Variants in TGFB3 observed in about 807,000 individuals in gnomAD.
TGFB3 encodes the protein transforming growth factor beta 3.
In TGFB3, 5 loss-of-function variants were observed where a neutral mutation model predicts 40.1. The observed-to-expected ratio is 0.12, with a 90% CI of 0.07 to 0.26. TGFB3 has a LOEUF of 0.26. Ranked by LOEUF, TGFB3 falls within the 10% of genes least tolerant of loss-of-function variation. TGFB3 has a pLI of 1.00. For synonymous variants in TGFB3, 184 were observed against 205.6 expected (o/e 0.89, Z 0.90); for missense variants, 373 against 530.1 (o/e 0.70, Z 2.91).
chr14:75,973,580 C>A (rs913446039), intron 1 of TGFB3, among the ~76,000 whole-genome samples: 6 of 152,154 alleles, frequency 3.9e-5, no homozygotes, highest in Non-Finnish European at 8.8e-5. Context: ...CATTGGCAAC[C>A]CTATCAAGGA....
At position 75,981,865 on chromosome 14, in the gene TGFB3, G is replaced by A. The variant is rs1247932643; in HGVS notation, c.-972C>T. 2 of 152,330 alleles carry A rather than the reference G, an allele frequency of 1.3e-5. No individual in the cohort carries two copies. The highest frequency in any genetic ancestry group is 2.9e-5 in the Non-Finnish European group (2 of 68,120). 9.4% of individuals were successfully genotyped at this position (152,330 alleles called of 1,614,324 possible). A position where few individuals can be genotyped will look rare whatever the true frequency, so the allele number is the denominator to read the frequency against. On this transcript the variant is annotated 5_prime_UTR_variant, in exon 1 of 7. Coordinates refer to ENST00000238682, the MANE Select transcript of TGFB3 (RefSeq NM_003239.5). The surrounding 1 kb of genome is among the most constrained non-coding windows in gnomAD (Gnocchi z 4.7). Reference sequence around the variant, plus strand: ...CCTTCTCTCGCACGCCTCTTCCCCTGTCTCTGCCTCTCTCGCTCATTCCCT... The same window carrying A: ...CCTTCTCTCGCACGCCTCTTCCCCTATCTCTGCCTCTCTCGCTCATTCCCT...
Position 75,963,422 on chromosome 14 carries a change from G to T in TGFB3, c.820C>A (p.His274Asn). 2 of 1,614,166 alleles carry T rather than the reference G, an allele frequency of 1.2e-6. No individual in the cohort carries two copies. Among genetic ancestry groups the T allele is most frequent in the Non-Finnish European group, 1.7e-6 (2 of 1,180,044 alleles). ...LGRLKKQKDH[H>N]NPHLILMMIP... ...ATCATGAGGATTAGATGAGGGTTGT[G>T]GTGATCCTTCTGCTTCTTGAGGCGC... The change falls in exon 5 of 7, where the codon CAC (histidine) becomes AAC (asparagine). Residue 274 changes from histidine to asparagine, a missense_variant. Transcript: ENST00000238682.
chr14:75,962,951 A>G (rs1186422742), intron 5 of TGFB3: 1 of 363,170 alleles, frequency 2.8e-6, no homozygotes, highest in Non-Finnish European at 5.2e-6. Flanking sequence ...TTTAATGGAA[A>G]CTCCTACATT....
chr14:75,963,874 A>ATTTG (rs34331340), intron 4 of TGFB3, among the ~76,000 whole-genome samples: 18,011 of 151,520 alleles, frequency 0.12, 1,520 homozygotes, highest in African/African-American at 0.24. Flanking sequence ...CGGCTTGTTT[A>ATTTG]TTTGTTTGTT....
intron 1 of TGFB3, among the ~76,000 whole-genome samples, chr14:75,976,469 A>G (rs1286751710): frequency 6.6e-6 from 1 of 152,242 alleles, no homozygotes; most frequent in Non-Finnish European, 1.5e-5. Flanking sequence ...CTATTGATTA[A>G]CCGTTAAATG....
Position 75,980,452 on chromosome 14 carries a change from G to T in TGFB3, c.352+90C>A. On this transcript the variant is annotated intron_variant, in intron 1 of 6. Coordinates refer to ENST00000238682, the MANE Select transcript of TGFB3 (RefSeq NM_003239.5). The surrounding 1 kb of genome is among the most constrained non-coding windows in gnomAD (Gnocchi z 4.3). Reference sequence around the variant, plus strand: ...CTGGTGAATCCTGGGGCACCCTGCTGTGTGGCCAGCACTAGGCCCCCCTCT... The same window carrying T: ...CTGGTGAATCCTGGGGCACCCTGCTTTGTGGCCAGCACTAGGCCCCCCTCT... The T allele has an allele frequency of 1.5e-6, 2 of 1,333,008 alleles. No homozygotes were observed. Among genetic ancestry groups the T allele is most frequent in the Non-Finnish European group, 2.2e-6 (2 of 927,016 alleles). 82.6% of individuals were successfully genotyped at this position (1,333,008 alleles called of 1,614,324 possible).
rs1361581789 is a variant in TGFB3, at chr14:75,965,571, C to A, written c.754+17G>T. 1 of 1,595,834 alleles carries A rather than the reference C, an allele frequency of 6.3e-7. No individual in the cohort carries two copies. The highest frequency in any genetic ancestry group is 1.7e-5 in the Admixed American group (1 of 60,016). On this transcript the variant is annotated intron_variant, in intron 4 of 6. Coordinates refer to ENST00000238682, the MANE Select transcript of TGFB3 (RefSeq NM_003239.5). Reference sequence around the variant, plus strand: ...CCCCCCACTCACCCATCCTACCATACACATTCATTTTGTTACCTTTGAATT... The same window carrying A: ...CCCCCCACTCACCCATCCTACCATAAACATTCATTTTGTTACCTTTGAATT...
chr14:75,967,391 T>A (rs1468232807), intron 3 of TGFB3, among the ~76,000 whole-genome samples: 2 of 152,084 alleles, frequency 1.3e-5, no homozygotes, highest in Non-Finnish European at 2.9e-5. Context: ...GAGAAGTGAA[T>A]GGAGAGGGAG....
rs1057524768 is a variant in TGFB3 at position 75,963,316 on chromosome 14, C to T, written c.926G>A (p.Arg309His). 6.2e-7 allele frequency: 1 copy of T among 1,614,076 alleles called. No homozygotes were observed. Among genetic ancestry groups the T allele is most frequent in the Non-Finnish European group, 8.5e-7 (1 of 1,179,964 alleles). ...GGTTCCCATGTGGGCCCAGTCTCAC[C>T]GGAAGCAGTAATTGGTGTCCAAAGC... The part of the protein sequence containing the change: ...KRALDTNYCF[R>H]NLEENCCVRP... Residue 309 changes from arginine (R) to histidine (H), a missense_variant and splice_region_variant, in exon 5 of 7, where the codon CGC becomes CAC. Coordinates refer to ENST00000238682, the MANE Select transcript of TGFB3 (RefSeq NM_003239.5).
intron 3 of TGFB3, among the ~76,000 whole-genome samples, chr14:75,970,405 A>G (rs2035274538): frequency 6.6e-6 from 1 of 151,798 alleles, no homozygotes; most frequent in Non-Finnish European, 1.5e-5. Context: ...TAAAAATACA[A>G]AAAAATTAGC....
In TGFB3 at chr14:75,971,474, C is replaced by T. The variant is rs554067491; in HGVS notation, c.516+81G>A. 32 of 1,589,262 alleles carry T rather than the reference C, an allele frequency of 2.0e-5. No individual in the cohort carries two copies. In the East Asian group the frequency reaches 3.4e-4, roughly 17 times the overall value. ...AGGATTCAAACCCAGGTCTGCCAAA[C>T]GCTGCACCCAGTGGTGCCCTGATAT... is the stretch of plus-strand genomic sequence containing the variant. On this transcript the variant is annotated intron_variant, in intron 2 of 6. Coordinates refer to ENST00000238682, the MANE Select transcript of TGFB3 (RefSeq NM_003239.5). This position sits in a 1 kb window ranked among gnomAD's most constrained non-coding sequence, Gnocchi z 4.5.
rs1188053224 is a variant in TGFB3, at chr14:75,978,543, C to G, written c.352+1999G>C. ...AGCCTCATAGCATCGCACGTTGGCTCCTCCCCAGCATCCTGAACAGCATCC... is the reference window on the plus strand; with the variant it reads ...AGCCTCATAGCATCGCACGTTGGCTGCTCCCCAGCATCCTGAACAGCATCC... On this transcript the variant is annotated intron_variant, in intron 1 of 6. Coordinates refer to ENST00000238682, the MANE Select transcript of TGFB3 (RefSeq NM_003239.5). This position sits in a 1 kb window ranked among gnomAD's most constrained non-coding sequence, Gnocchi z 5.0. 6.6e-6 allele frequency among the ~76,000 whole-genome samples: 1 copy of G among 152,216 alleles called. No homozygotes were observed. Among genetic ancestry groups the G allele is most frequent in the Non-Finnish European group, 1.5e-5 (1 of 68,048 alleles).
At position 75,979,707 on chromosome 14, in the gene TGFB3, C is replaced by T. The variant is rs4252317; in HGVS notation, c.352+835G>A. 2.0e-5 allele frequency among the ~76,000 whole-genome samples: 3 copies of T among 149,384 alleles called. No homozygotes were observed. Among genetic ancestry groups the T allele is most frequent in the Non-Finnish European group, 1.5e-5 (1 of 67,014 alleles). On this transcript the variant is annotated intron_variant, in intron 1 of 6. Coordinates refer to ENST00000238682, the MANE Select transcript of TGFB3 (RefSeq NM_003239.5). The surrounding 1 kb of genome is among the most constrained non-coding windows in gnomAD (Gnocchi z 4.8). ...GGCTCCCAGACATATCCCCCCCCCCCACCATGCACCCACTGCCACCCCTCC... is the reference window on the plus strand; with the variant it reads ...GGCTCCCAGACATATCCCCCCCCCCTACCATGCACCCACTGCCACCCCTCC...
At chr14:75,976,039 G>A (rs1594790115) in intron 1 of TGFB3, among the ~76,000 whole-genome samples, 1 of 152,208 alleles carries the variant, frequency 6.6e-6, no homozygotes, top group South Asian at 2.1e-4. Flanking sequence ...CATAAGCAAA[G>A]AATATTCATG....
In TGFB3 at chr14:75,980,472, C is replaced by A. The variant is rs1334072838; in HGVS notation, c.352+70G>T. On this transcript the variant is annotated intron_variant, in intron 1 of 6. Transcript: ENST00000238682. This position sits in a 1 kb window ranked among gnomAD's most constrained non-coding sequence, Gnocchi z 4.3. Reference sequence around the variant, plus strand: ...CTGCTGTGTGGCCAGCACTAGGCCCCCCTCTGCAGAGCTCCCAGCTCCAGT... The same window carrying A: ...CTGCTGTGTGGCCAGCACTAGGCCCACCTCTGCAGAGCTCCCAGCTCCAGT... The A allele has an allele frequency of 1.3e-6, 2 of 1,503,782 alleles. No homozygotes were observed. The highest frequency in any genetic ancestry group is 3.3e-5 in the Admixed American group (2 of 59,892). 93.2% of individuals were successfully genotyped at this position (1,503,782 alleles called of 1,614,324 possible). A position where few individuals can be genotyped will look rare whatever the true frequency, so the allele number is the denominator to read the frequency against.
At chr14:75,959,940 T>TTC (rs2035133520) in intron 6 of TGFB3, among the ~76,000 whole-genome samples, 2 of 126,104 alleles carry the variant, frequency 1.6e-5, no homozygotes, top group East Asian at 4.5e-4. Context: ...GCTTTTTTTT[T>TTC]TTTTTTTTTT....
intron 1 of TGFB3, among the ~76,000 whole-genome samples, chr14:75,974,589 A>G (rs1007720496): frequency 4.6e-5 from 7 of 151,952 alleles, no homozygotes; most frequent in African/African-American, 1.7e-4. Flanking sequence ...ACAAGGTGAA[A>G]CCCCGTCTCT....
At chr14:75,961,633 T>C (rs551930326) in intron 5 of TGFB3, among the ~76,000 whole-genome samples, 1 of 152,340 alleles carries the variant, frequency 6.6e-6, no homozygotes, top group African/African-American at 2.4e-5. Flanking sequence ...ACAGAGATCA[T>C]TTGGCAATAA....
At chr14:75,965,527 A>ATCCTG in intron 4 of TGFB3, 61 bp downstream of exon 4, 1 of 1,402,232 alleles carries the variant, frequency 7.1e-7, no homozygotes, top group East Asian at 2.3e-5. Context: ...CTCCTGCACT[A>ATCCTG]TCCTGTCCCA....
Sources: allele counts gnomAD v4.1 joint callset (sites outside exome capture counted in the v4.1 genomes callset), GRCh38; gene constraint gnomAD v4.1.1; non-coding constraint Gnocchi (gnomAD v3.1); transcripts MANE v1.5; gene names NCBI Gene and HGNC (gene_info 2026-07-23, HGNC 2026-07-21).